Variants in PANK1 observed in about 807,000 individuals in gnomAD.
PANK1 encodes the protein pantothenate kinase 1.
Under a neutral mutation model 40.1 loss-of-function variants are expected in PANK1, and 18 were observed. The observed-to-expected ratio is 0.45, with a 90% CI of 0.31 to 0.67. The LOEUF (loss-of-function observed/expected upper bound fraction) is 0.67, where lower values mean the gene tolerates loss of function less well. Among genes scored for constraint, PANK1 ranks in the 30% least tolerant of loss-of-function variants. The pLI, the probability that PANK1 is intolerant of heterozygous loss-of-function variation, is 0.06. For missense variants in PANK1, 457 were observed against 599.6 expected (o/e 0.76, Z 2.48); for synonymous variants, 242 against 237.7 (o/e 1.02, Z -0.17).
In PANK1 at chr10:89,623,198, G is replaced by A. The variant is rs143605711; in HGVS notation, c.293-11150C>T. On this transcript the variant is annotated intron_variant, in intron 1 of 6. Transcript: ENST00000307534. The stretch of plus-strand genomic sequence containing the variant: ...GTTTTTTTCTTCCTCTGGCTTTTCT[G>A]ACACTTTTCTTATTTTTTTGTTTTG... 3.3e-3 allele frequency among the ~76,000 whole-genome samples: 498 copies of A among 152,050 alleles called. 4 individuals carry two copies. The highest frequency in any genetic ancestry group is 5.9e-3 in the Non-Finnish European group (400 of 67,928).
intron 5 of PANK1, among the ~76,000 whole-genome samples, chr10:89,590,095 GA>G (rs1844333237): frequency 6.7e-6 from 1 of 149,774 alleles, no homozygotes; most frequent in Non-Finnish European, 1.5e-5. Context: ...GGAAGAATTG[GA>G]AAAAAAAGTT....
In PANK1 at chr10:89,642,167, T is replaced by G. The variant is rs1273121985; in HGVS notation, c.292+2433A>C. On this transcript the variant is annotated intron_variant, in intron 1 of 6. Transcript: ENST00000307534. The stretch of plus-strand genomic sequence containing the variant: ...CCTGCCACTGGTCTGACTTTTAGAT[T>G]GTAGGATGGTGAATAGTCTCGGCAC... 6.6e-5 allele frequency among the ~76,000 whole-genome samples: 10 copies of G among 152,230 alleles called. No homozygotes were observed. The East Asian group carries it at 1.7e-3, about 26-fold the overall frequency.
chr10:89,624,928 C>T (rs187840059), intron 1 of PANK1, among the ~76,000 whole-genome samples: 1 of 152,170 alleles, frequency 6.6e-6, no homozygotes, highest in Non-Finnish European at 1.5e-5. Flanking sequence ...TGAGATGGGG[C>T]CTCACTGTTG....
At chr10:89,628,437 G>A (rs1841536174) in intron 1 of PANK1, among the ~76,000 whole-genome samples, 1 of 58,416 alleles carries the variant, frequency 1.7e-5, no homozygotes, top group East Asian at 3.0e-4. Context: ...AAAAGATCAC[G>A]TATGATATGA....
chr10:89,644,912 T>G lies in PANK1; in HGVS notation c.-21A>C, dbSNP rs762967531. ...CCCATGCCGGGGGCTGGCGGGGCTG[T>G]GCGCGGGCCCCGGCTCAGGCGGCCT... is the stretch of plus-strand genomic sequence containing the variant. On this transcript the variant is annotated 5_prime_UTR_variant, in exon 1 of 7. Coordinates refer to ENST00000307534, the MANE Select transcript of PANK1 (RefSeq NM_148977.3). 9 of 1,537,426 alleles carry G rather than the reference T, an allele frequency of 5.9e-6. No individual in the cohort carries two copies. The highest frequency in any genetic ancestry group is 2.6e-6 in the Non-Finnish European group (3 of 1,146,602).
rs539704873 is a variant in PANK1, at chr10:89,620,598, T to C, written c.293-8550A>G. Reference sequence around the variant, plus strand: ...ATGACAATGCATGCCCAGCAGGACATGGAACCTCATCAGTAATTCTAATTT... The same window carrying C: ...ATGACAATGCATGCCCAGCAGGACACGGAACCTCATCAGTAATTCTAATTT... On this transcript the variant is annotated intron_variant, in intron 1 of 6. Coordinates refer to ENST00000307534, the MANE Select transcript of PANK1 (RefSeq NM_148977.3). Among the ~76,000 whole-genome samples the C allele has an allele frequency of 1.9e-3, 286 of 152,342 alleles. 2 individuals are homozygous for C. The highest frequency in any genetic ancestry group is 4.8e-3 in the African/African-American group (199 of 41,576).
intron 3 of PANK1, among the ~76,000 whole-genome samples, chr10:89,597,323 G>C (rs1311660236): frequency 6.6e-6 from 1 of 152,170 alleles, no homozygotes; most frequent in Non-Finnish European, 1.5e-5. Flanking sequence ...CTCTGGATCA[G>C]GATCACAGCC....
chr10:89,630,985 A>C (rs1841624732), intron 1 of PANK1, among the ~76,000 whole-genome samples: 1 of 152,240 alleles, frequency 6.6e-6, no homozygotes, highest in Non-Finnish European at 1.5e-5. Context: ...TGGGGAACAC[A>C]GCAAAACTGC....
intron 1 of PANK1, chr10:89,639,292 T>G (rs751658258): frequency 2.3e-6 from 1 of 428,972 alleles, no homozygotes; most frequent in South Asian, 1.7e-5. Flanking sequence ...CCTTTTACAA[T>G]TGGCATTAAC....
chr10:89,590,938 A>G (rs1263801037), intron 5 of PANK1, among the ~76,000 whole-genome samples: 1 of 152,142 alleles, frequency 6.6e-6, no homozygotes, highest in Non-Finnish European at 1.5e-5. Flanking sequence ...AGAAGAAAAT[A>G]TAGAGAAAGC....
chr10:89,620,841 G>A (rs115796269), intron 1 of PANK1, among the ~76,000 whole-genome samples: 4,341 of 152,154 alleles, frequency 0.029, 188 homozygotes, highest in African/African-American at 0.098. Context: ...TTGTCTCTTT[G>A]TACTCTTTCT....
rs1469217050 is a variant in PANK1, at chr10:89,583,342, A to G, written c.*1064T>C. The G allele has an allele frequency of 6.6e-6, 1 of 152,202 alleles. No homozygotes were observed. The highest frequency in any genetic ancestry group is 1.9e-4 in the East Asian group (1 of 5,208). The allele number at this position is 152,202 out of a possible 1,614,324, so 9.4% of individuals were successfully genotyped here. On this transcript the variant is annotated 3_prime_UTR_variant, in exon 7 of 7. Coordinates refer to ENST00000307534, the MANE Select transcript of PANK1 (RefSeq NM_148977.3). ...TTTTTAGTTTAAAATATTAAAAATG[A>G]AAAAACCTTTAACATTATTAAAGAT...
intron 1 of PANK1, among the ~76,000 whole-genome samples, chr10:89,631,526 C>T (rs957111592): frequency 6.6e-6 from 1 of 152,210 alleles, no homozygotes; most frequent in Admixed American, 6.5e-5. Flanking sequence ...AGCTTGCCTG[C>T]TCCCACTGGC....
At chr10:89,581,235 C>G (rs138552207), downstream of PANK1, 174 of 152,218 alleles carry the variant, frequency 1.1e-3, 2 homozygotes, top group African/African-American at 4.0e-3. Flanking sequence ...CACAGAGTAA[C>G]TTCTTAATAT....
In PANK1 at chr10:89,635,709, C is replaced by T. The variant is rs140264865; in HGVS notation, c.292+8891G>A. 2.8e-3 allele frequency among the ~76,000 whole-genome samples: 419 copies of T among 152,292 alleles called. 2 individuals carry two copies. The highest frequency in any genetic ancestry group is 9.3e-3 in the African/African-American group (388 of 41,560). On this transcript the variant is annotated intron_variant, in intron 1 of 6. Transcript: ENST00000307534. ...ATCTGAATCAGATATGGATGAGATT[C>T]AAGGCAGGATTCATCTTGAGGGACA...
intron 1 of PANK1, chr10:89,614,117 T>G (rs1845245349): frequency 3.7e-5 from 16 of 434,530 alleles, no homozygotes; most frequent in South Asian, 2.6e-4. Flanking sequence ...CCTGGAAATA[T>G]ACTATGGCAT....
chr10:89,612,025 T>C lies in PANK1; in HGVS notation c.316A>G (p.Ile106Val), dbSNP rs1845173169. ...RPPFPWFGMD[I>V]GGTLVKLVYF... ...ACCAATTTAACCAGCGTTCCACCGA[T>C]GTCCATGCCAAACCATGGGAATGCT... The change falls in exon 2 of 7, where the codon ATC (isoleucine) becomes GTC (valine). Residue 106 changes from isoleucine (I) to valine (V), a missense_variant. Around this residue, in one of 4 missense-constraint regions of PANK1, gnomAD observed 286 missense variants for 415.8 expected, o/e 0.69. Transcript: ENST00000307534. 6.2e-7 allele frequency: 1 copy of C among 1,613,620 alleles called. No homozygotes were observed.
At chr10:89,633,516 C>T (rs1222865875) in intron 1 of PANK1, among the ~76,000 whole-genome samples, 1 of 145,454 alleles carries the variant, frequency 6.9e-6, no homozygotes, top group Non-Finnish European at 1.5e-5. Context: ...ACCCTAAAAA[C>T]ATTAACAGCC....
rs1414248515 is a variant in PANK1, at chr10:89,593,251, C to T, written c.1146G>A (p.Leu382=). The T allele has an allele frequency of 6.2e-7, 1 of 1,613,574 alleles. No homozygotes were observed. The highest frequency in any genetic ancestry group is 1.3e-5 in the African/African-American group (1 of 74,894). The change falls in exon 5 of 7, where the codon TTG becomes TTA. Residue 382 remains leucine, a synonymous_variant. Coordinates refer to ENST00000307534, the MANE Select transcript of PANK1 (RefSeq NM_148977.3). ...ISKEDLARAT[L]VTITNNIGSI... Reference sequence around the variant, plus strand: ...AGCCAATGTTGTTGGTGATGGTGACCAATGTGGCCCGGGCGAGGTCTTCCT... The same window carrying T: ...AGCCAATGTTGTTGGTGATGGTGACTAATGTGGCCCGGGCGAGGTCTTCCT...
Sources: allele counts gnomAD v4.1 joint callset (sites outside exome capture counted in the v4.1 genomes callset), GRCh38; gene constraint gnomAD v4.1.1; regional missense constraint gnomAD v4.1.1; transcripts MANE v1.5; gene names NCBI Gene and HGNC (gene_info 2026-07-23, HGNC 2026-07-21).